The following ULK2 variants were observed in gnomAD, a reference collection of about 807,000 sequenced individuals.
ULK2 encodes unc-51 like autophagy activating kinase 2.
ULK2 carries 76 observed loss-of-function variants against 127.5 expected under a neutral mutation model. The ratio of observed to expected loss-of-function variants is 0.60; its 90% CI spans 0.50 to 0.72. The LOEUF (loss-of-function observed/expected upper bound fraction) is 0.72. ULK2 is among the 30% of genes least tolerant of loss of function. The probability of loss-of-function intolerance (pLI) is 0.00; values close to 1 mark genes in which losing one functional copy is unlikely to be tolerated. For synonymous variants in ULK2, 452 were observed against 461.9 expected (o/e 0.98, Z 0.28); for missense variants, 1,144 against 1,295.9 (o/e 0.88, Z 1.80).
intron 5 of ULK2, among the ~76,000 whole-genome samples, chr17:19,848,099 T>C (rs956391347): frequency 3.3e-5 from 5 of 151,894 alleles, no homozygotes; most frequent in Non-Finnish European, 5.9e-5. Context: ...TATACTAAAA[T>C]TGGAACAATA....
At chr17:19,829,551 G>GGGGT (rs1567708399) in intron 10 of ULK2, among the ~76,000 whole-genome samples, 2 of 141,690 alleles carry the variant, frequency 1.4e-5, no homozygotes, top group African/African-American at 5.2e-5. Context: ...AAAAAAAAGG[G>GGGGT]GGGGGGCTGG....
intron 24 of ULK2, 63 bp downstream of exon 24, chr17:19,780,923 G>T: frequency 1.4e-6 from 2 of 1,432,984 alleles, no homozygotes; most frequent in Non-Finnish European, 2.0e-6. Flanking sequence ...CTCTCTCACA[G>T]TGTGATGGGA....
At chr17:19,817,935 G>GT (rs2041032646) in intron 12 of ULK2, among the ~76,000 whole-genome samples, 1 of 152,086 alleles carries the variant, frequency 6.6e-6, no homozygotes, top group Non-Finnish European at 1.5e-5. Context: ...GTATCTCAAG[G>GT]TAATGAAGGG....
intron 14 of ULK2, among the ~76,000 whole-genome samples, chr17:19,807,967 G>C (rs761972515): frequency 2.0e-4 from 31 of 152,106 alleles, no homozygotes; most frequent in Non-Finnish European, 3.5e-4. Context: ...TTAGCCAGGC[G>C]TGGTGGCGGG....
At position 19,867,641 on chromosome 17, in the gene ULK2, A is replaced by C; in HGVS notation, c.-224T>G. On this transcript the variant is annotated 5_prime_UTR_variant, in exon 1 of 27. An upstream start codon of the reference 5' UTR is lost. Transcript: ENST00000395544. Reference sequence around the variant, plus strand: ...AGGCCCGGCCCGGCCCCTGCCGCTCATGGCCCGGCCTGCCGCCGGCCGCTG... The same window carrying C: ...AGGCCCGGCCCGGCCCCTGCCGCTCCTGGCCCGGCCTGCCGCCGGCCGCTG... 1 of 253,386 alleles carries C rather than the reference A, an allele frequency of 3.9e-6. No individual in the cohort carries two copies. Among genetic ancestry groups the C allele is most frequent in the Non-Finnish European group, 7.4e-6 (1 of 135,168 alleles). 15.7% of individuals were successfully genotyped at this position (253,386 alleles called of 1,614,324 possible).
intron 10 of ULK2, among the ~76,000 whole-genome samples, chr17:19,838,167 T>G (rs2152396046): frequency 6.6e-6 from 1 of 152,270 alleles, no homozygotes; most frequent in Admixed American, 6.5e-5. Flanking sequence ...CTACCTTATT[T>G]AAAATTTCAA....
At chr17:19,810,198 C>G (rs566569331) in intron 14 of ULK2, among the ~76,000 whole-genome samples, 180 bp downstream of exon 14, 48 of 140,406 alleles carry the variant, frequency 3.4e-4, no homozygotes, top group African/African-American at 1.2e-3. Context: ...CCATTGCAAT[C>G]TAGTCTGGGT....
intron 10 of ULK2, among the ~76,000 whole-genome samples, chr17:19,835,158 T>A (rs1276876023): frequency 6.6e-6 from 1 of 151,322 alleles, no homozygotes; most frequent in Non-Finnish European, 1.5e-5. Flanking sequence ...TGTTTCTTTT[T>A]TTTTTGGAGA....
intron 21 of ULK2, among the ~76,000 whole-genome samples, chr17:19,784,696 G>A (rs1317903768): frequency 6.6e-6 from 1 of 151,444 alleles, no homozygotes; most frequent in Admixed American, 6.6e-5. Context: ...GCTAATTTCT[G>A]TATTTTTTTT....
chr17:19,797,664 G>A lies in ULK2; in HGVS notation c.1541C>T (p.Ala514Val), dbSNP rs1176491844. ...CGATAAGAGAGACTGTGGGGACTGA[G>A]CTTGTGGCACTGGAGAACCTAACAA... is the stretch of plus-strand genomic sequence containing the variant. ...RNSSGSPVPQ[A>V]QSPQSLLSGA... Residue 514 changes from alanine to valine, a missense_variant, in exon 18 of 27, where the codon GCT (alanine) becomes GTT (valine). By Grantham distance (64) the Ala-to-Val change is moderately conservative (BLOSUM62 0). This residue lies in a region of ULK2 where 913 missense variants were observed against 970.5 expected (regional missense o/e 0.94). Transcript: ENST00000395544. 5 of 1,538,114 alleles carry A rather than the reference G, an allele frequency of 3.3e-6. No homozygotes were observed. The highest frequency in any genetic ancestry group is 4.4e-6 in the Non-Finnish European group (5 of 1,141,028).
chr17:19,787,393 C>G (rs546277672), intron 20 of ULK2, among the ~76,000 whole-genome samples: 1 of 152,238 alleles, frequency 6.6e-6, no homozygotes, highest in African/African-American at 2.4e-5. Flanking sequence ...CTCAAGTGAT[C>G]CTCCTGCCTC....
At position 19,821,372 on chromosome 17, in the gene ULK2, G is replaced by A. The variant is rs1160399153; in HGVS notation, c.924+3722C>T. ...CTAAATAGCATTTAATCTCTAGTCA[G>A]TATCATAATTAAAAGAGTGATTTGG... On this transcript the variant is annotated intron_variant, in intron 12 of 26. Transcript: ENST00000395544. 2.0e-5 allele frequency among the ~76,000 whole-genome samples: 3 copies of A among 152,096 alleles called. No homozygotes were observed. The East Asian group carries it at 5.8e-4, about 29-fold the overall frequency.
intron 3 of ULK2, among the ~76,000 whole-genome samples, chr17:19,860,554 C>T (rs1390834713): frequency 7.0e-6 from 1 of 142,754 alleles, no homozygotes; most frequent in Admixed American, 7.1e-5. Flanking sequence ...GACGGAGTTT[C>T]CCTCTTGTTG....
intron 26 of ULK2, among the ~76,000 whole-genome samples, 162 bp downstream of exon 26, chr17:19,777,419 T>C (rs1271047580): frequency 1.3e-5 from 2 of 152,142 alleles, no homozygotes; most frequent in African/African-American, 4.8e-5. Context: ...TCCTATTTTA[T>C]GAAAAAGAAG....
rs1168902243 is a variant in ULK2, at chr17:19,773,152, C to A, written c.*3197G>T. 6.6e-6 allele frequency: 1 copy of A among 152,218 alleles called. No homozygotes were observed. The highest frequency in any genetic ancestry group is 2.4e-5 in the African/African-American group (1 of 41,412). 9.4% of individuals were successfully genotyped at this position (152,218 alleles called of 1,614,324 possible). ...AATAGCTGAGCGTGGTGGCGCATGT[C>A]TGTAATCCTAGCTACCTGGGAGGCT... On this transcript the variant is annotated 3_prime_UTR_variant, in exon 27 of 27. Transcript: ENST00000395544.
Position 19,849,719 on chromosome 17 carries a change from A to G in ULK2, c.258+23T>C, listed in dbSNP as rs754892080. On this transcript the variant is annotated intron_variant, in intron 4 of 26. Coordinates refer to ENST00000395544, the MANE Select transcript of ULK2 (RefSeq NM_014683.4). Reference sequence around the variant, plus strand: ...AAAAAAGAAATTTGAAATAAATTAAACAGAAGTTTGTATACTACCTACCTC... The same window carrying G: ...AAAAAAGAAATTTGAAATAAATTAAGCAGAAGTTTGTATACTACCTACCTC... 2.7e-6 allele frequency: 4 copies of G among 1,479,154 alleles called. No homozygotes were observed. The South Asian group carries it at 5.4e-5, about 20-fold the overall frequency. The allele number at this position is 1,479,154 out of a possible 1,614,324, so 91.6% of individuals were successfully genotyped here.
chr17:19,851,060 C>A (rs959788509), intron 3 of ULK2, among the ~76,000 whole-genome samples: 1 of 151,682 alleles, frequency 6.6e-6, no homozygotes, highest in African/African-American at 2.4e-5. Context: ...TGCCTGTAAT[C>A]CCAACACTTT....
At chr17:19,841,589 C>G (rs773361227) in intron 8 of ULK2, 42 bp from the exon 9 acceptor site, 3 of 1,441,984 alleles carry the variant, frequency 2.1e-6, no homozygotes, top group Non-Finnish European at 2.8e-6. Flanking sequence ...ACAATGGGGG[C>G]AAAACTTTCA....
chr17:19,771,846 C>CTCATG lies in ULK2; in HGVS notation c.*4498_*4502dup, dbSNP rs1157585201. The CTCATG allele has an allele frequency of 6.6e-6, 1 of 152,200 alleles. No homozygotes were observed. Among genetic ancestry groups the CTCATG allele is most frequent in the African/African-American group, 2.4e-5 (1 of 41,442 alleles). The allele number at this position is 152,200 out of a possible 1,614,324, so 9.4% of individuals were successfully genotyped here. A position where few individuals can be genotyped will look rare whatever the true frequency, so the allele number is the denominator to read the frequency against. ...GAACACGGTTTCCAATAAACAAGAG[C>CTCATG]TCATGTGGGCACTTCCTAATGACAG... is the stretch of plus-strand genomic sequence containing the variant. On this transcript the variant is annotated 3_prime_UTR_variant, in exon 27 of 27. Coordinates refer to ENST00000395544, the MANE Select transcript of ULK2 (RefSeq NM_014683.4).
Sources: gnomAD v4.1 joint callset for allele counts (sites outside exome capture counted in the v4.1 genomes callset) on GRCh38, gnomAD v4.1.1 for gene constraint, gnomAD v4.1.1 regional missense constraint, MANE v1.5 for transcripts, NCBI Gene and HGNC (gene_info 2026-07-23, HGNC 2026-07-21) for gene names.